Variants in ARHGAP20 observed in about 807,000 individuals in gnomAD.
ARHGAP20 encodes the protein Rho GTPase activating protein 20, also known as rho GTPase-activating protein 20.
A neutral mutation model predicts 73.7 loss-of-function variants in ARHGAP20; 34 were observed. The ratio of observed to expected loss-of-function variants is 0.46; its 90% CI spans 0.35 to 0.61. The LOEUF (loss-of-function observed/expected upper bound fraction) is 0.61, where lower values mean the gene tolerates loss of function less well. ARHGAP20 is among the 20% of genes least tolerant of loss of function. The pLI, the probability that ARHGAP20 is intolerant of heterozygous loss-of-function variation, is 0.00. For synonymous variants in ARHGAP20, 523 were observed against 518.2 expected (o/e 1.01, Z -0.13); for missense variants, 1,314 against 1,420.9 (o/e 0.92, Z 1.21).
At chr11:110,654,590 T>G (rs74557983) in intron 2 of ARHGAP20, among the ~76,000 whole-genome samples, 1 of 152,176 alleles carries the variant, frequency 6.6e-6, no homozygotes, top group Non-Finnish European at 1.5e-5. Context: ...AACCACATTT[T>G]AAGTCATTTT....
intron 2 of ARHGAP20, among the ~76,000 whole-genome samples, chr11:110,666,034 C>T (rs1319834285): frequency 2.0e-5 from 3 of 151,906 alleles, no homozygotes; most frequent in African/African-American, 7.3e-5. Context: ...TATACACACA[C>T]ATATATATAC....
chr11:110,595,765 A>T (rs1266712404), intron 9 of ARHGAP20, among the ~76,000 whole-genome samples: 1 of 152,182 alleles, frequency 6.6e-6, no homozygotes, highest in Non-Finnish European at 1.5e-5. Context: ...GCTACCAATG[A>T]CTTTCTTCAC....
chr11:110,588,619 C>A (rs907120043), intron 11 of ARHGAP20, among the ~76,000 whole-genome samples: 2 of 152,162 alleles, frequency 1.3e-5, no homozygotes. Context: ...TCATTTGGAT[C>A]ATTTTTTGCC....
intron 14 of ARHGAP20, 26 bp from the exon 15 acceptor site, chr11:110,581,251 A>G (rs370527468): frequency 4.4e-6 from 7 of 1,583,628 alleles, no homozygotes; most frequent in Non-Finnish European, 6.0e-6. Flanking sequence ...AACCATGATT[A>G]ACATATTTAC....
intron 2 of ARHGAP20, among the ~76,000 whole-genome samples, chr11:110,658,698 T>C (rs955277221): frequency 6.6e-6 from 1 of 152,178 alleles, no homozygotes; most frequent in African/African-American, 2.4e-5. Flanking sequence ...AATATATTGT[T>C]AGGCAAGGAC....
In ARHGAP20 at chr11:110,624,293, C is replaced by G; in HGVS notation, c.372G>C (p.Lys124Asn). ...CAGTTAATTTAATTTTATTTTTTAT[C>G]TTAAAGTTATTGTTATATCTAGAAA... ...VAKIKYNNNFKIKNKIKLTDM... is the reference protein window; with the variant it reads ...VAKIKYNNNFNIKNKIKLTDM... The change falls in exon 4 of 15, where the codon AAG becomes AAC. Residue 124 changes from lysine (K) to asparagine (N), a missense_variant. Coordinates refer to ENST00000683387, the MANE Select transcript of ARHGAP20 (RefSeq NM_001384657.1). The G allele has an allele frequency of 6.3e-7, 1 of 1,577,686 alleles. No individual in the cohort carries two copies. The highest frequency in any genetic ancestry group is 8.6e-7 in the Non-Finnish European group (1 of 1,164,426).
chr11:110,623,625 T>A (rs1022425651), intron 4 of ARHGAP20, among the ~76,000 whole-genome samples: 5 of 151,308 alleles, frequency 3.3e-5, no homozygotes, highest in African/African-American at 1.2e-4. Flanking sequence ...AATAAAACAC[T>A]ATTTATTTAA....
At chr11:110,602,818 T>C (rs1256035894) in intron 9 of ARHGAP20, among the ~76,000 whole-genome samples, 1 of 152,208 alleles carries the variant, frequency 6.6e-6, no homozygotes, top group African/African-American at 2.4e-5. Flanking sequence ...AGTCAAGAAG[T>C]CAATGCTGAG....
At chr11:110,611,780 T>C (rs1391388430) in intron 6 of ARHGAP20, among the ~76,000 whole-genome samples, 2 of 150,822 alleles carry the variant, frequency 1.3e-5, no homozygotes, top group African/African-American at 4.9e-5. Flanking sequence ...AAGAGCTGAA[T>C]CTCTTTCTAT....
At chr11:110,688,391 T>C (rs1950178444) in intron 2 of ARHGAP20, among the ~76,000 whole-genome samples, 1 of 152,122 alleles carries the variant, frequency 6.6e-6, no homozygotes, top group Non-Finnish European at 1.5e-5. Flanking sequence ...TGCTGGTTCC[T>C]GATCTAAGGC....
intron 2 of ARHGAP20, among the ~76,000 whole-genome samples, chr11:110,676,453 G>A (rs7931327): frequency 0.021 from 3,212 of 152,238 alleles, 125 homozygotes; most frequent in African/African-American, 0.074. Flanking sequence ...GCAGCAAGGA[G>A]AAGTACTGAG....
rs12282025 is a variant in ARHGAP20 at position 110,648,240 on chromosome 11, A to T, written c.189-17448T>A. Among the ~76,000 whole-genome samples, 96 of 92,716 alleles carry T rather than the reference A, an allele frequency of 1.0e-3. 1 individual carries two copies. The highest frequency in any genetic ancestry group is 3.2e-3 in the African/African-American group (88 of 27,204). 60.8% of individuals were successfully genotyped at this position (92,716 alleles called of 152,430 possible). ...ATATATGTATATATATATATATGTA[A>T]ATATATATATGTAAATATATATATG... On this transcript the variant is annotated intron_variant, in intron 2 of 14. Transcript: ENST00000683387.
rs139127000 is a variant in ARHGAP20 at position 110,579,725 on chromosome 11, G to C, written c.3221C>G (p.Pro1074Arg). The C allele has an allele frequency of 6.2e-7, 1 of 1,614,160 alleles. No individual in the cohort carries two copies. Among genetic ancestry groups the C allele is most frequent in the Admixed American group, 1.7e-5 (1 of 60,030 alleles). The stretch of plus-strand genomic sequence containing the variant: ...TTCTGGAACACCAGAAGCATGTGGG[G>C]GTGGCTCTAAGGGTCCTTTTGGAGA... ...IASPKGPLEP[P>R]PHASGVPEAN... Residue 1074 changes from proline (P) to arginine (R), a missense_variant, in exon 15 of 15, where the codon CCC (proline) becomes CGC (arginine). Around this residue, in one of 3 missense-constraint regions of ARHGAP20, gnomAD observed 641 missense variants for 636.9 expected, o/e 1.01. Transcript: ENST00000683387.
At chr11:110,668,192 A>T (rs943696970) in intron 2 of ARHGAP20, among the ~76,000 whole-genome samples, 29 of 152,218 alleles carry the variant, frequency 1.9e-4, no homozygotes, top group African/African-American at 5.1e-4. Flanking sequence ...TTATTTCAAG[A>T]AATTGCCACA....
intron 7 of ARHGAP20, among the ~76,000 whole-genome samples, chr11:110,609,751 T>C (rs572762212): frequency 1.7e-4 from 26 of 152,304 alleles, no homozygotes; most frequent in Non-Finnish European, 2.9e-4. Flanking sequence ...GGTAAGCCTG[T>C]TGGCAATATT....
rs11213551 is a variant in ARHGAP20 at position 110,703,678 on chromosome 11, C to A, written c.105+8449G>T. Among the ~76,000 whole-genome samples the A allele has an allele frequency of 2.1e-3, 312 of 152,124 alleles. 2 individuals carry two copies. The highest frequency in any genetic ancestry group is 6.9e-3 in the African/African-American group (288 of 41,528). On this transcript the variant is annotated intron_variant, in intron 1 of 14. Transcript: ENST00000683387. Reference sequence around the variant, plus strand: ...TTATACATTATTCTTTGTTTCCTTGCCTCCATCCCCACACATGCAGGATTC... The same window carrying A: ...TTATACATTATTCTTTGTTTCCTTGACTCCATCCCCACACATGCAGGATTC...
intron 1 of ARHGAP20, among the ~76,000 whole-genome samples, chr11:110,704,003 G>T (rs939146193): frequency 6.6e-6 from 1 of 152,166 alleles, no homozygotes; most frequent in African/African-American, 2.4e-5. Context: ...AGACACAACC[G>T]CAACAGTTGG....
chr11:110,693,846 G>A (rs1950287861), intron 1 of ARHGAP20, among the ~76,000 whole-genome samples: 1 of 151,810 alleles, frequency 6.6e-6, no homozygotes, highest in South Asian at 2.1e-4. Context: ...AAATTTCACA[G>A]TTGTTCTGTG....
chr11:110,589,450 C>T, intron 11 of ARHGAP20: 4 of 985,436 alleles, frequency 4.1e-6, no homozygotes, highest in Non-Finnish European at 4.8e-6. Context: ...TAGGGGTATG[C>T]AAGAATCTTC....
Sources: allele counts gnomAD v4.1 joint callset (sites outside exome capture counted in the v4.1 genomes callset), GRCh38; gene constraint gnomAD v4.1.1; regional missense constraint gnomAD v4.1.1; transcripts MANE v1.5; gene names NCBI Gene and HGNC (gene_info 2026-07-23, HGNC 2026-07-21).